The following CNTN5 variants were observed in gnomAD, a reference collection of about 807,000 sequenced individuals.
CNTN5 encodes the protein contactin 5.
In CNTN5, 77 loss-of-function variants were observed where a neutral mutation model predicts 129.1. That is an observed-to-expected ratio of 0.60 (90% CI 0.50 to 0.72). CNTN5 has a LOEUF of 0.72. CNTN5 is among the 30% of genes least tolerant of loss of function. The pLI, the probability that CNTN5 is intolerant of heterozygous loss-of-function variation, is 0.00. For missense variants in CNTN5, 1,478 were observed against 1,328.8 expected, an observed-to-expected ratio of 1.11 and a Z score of -1.75; for synonymous variants, 509 against 465.6, an observed-to-expected ratio of 1.09 and a Z score of -1.20.
chr11:99,750,005 A>G (rs1187379581), intron 3 of CNTN5, among the ~76,000 whole-genome samples: 1 of 152,346 alleles, frequency 6.6e-6, no homozygotes, highest in Non-Finnish European at 1.5e-5. Flanking sequence ...ATTCATGTAT[A>G]AGTTAAAACC....
intron 16 of CNTN5, among the ~76,000 whole-genome samples, chr11:100,230,961 A>G (rs1949474415): frequency 6.6e-6 from 1 of 152,254 alleles, no homozygotes; most frequent in Non-Finnish European, 1.5e-5. Context: ...CCATCCTAAT[A>G]TAAAAATACA....
At chr11:99,117,044 G>A (rs1858076485) in intron 1 of CNTN5, among the ~76,000 whole-genome samples, 1 of 152,016 alleles carries the variant, frequency 6.6e-6, no homozygotes, top group Non-Finnish European at 1.5e-5. Context: ...AAGATAAATA[G>A]TAAAAGAGGT....
At chr11:99,688,255 C>T (rs750294085) in intron 3 of CNTN5, among the ~76,000 whole-genome samples, 3 of 152,018 alleles carry the variant, frequency 2.0e-5, no homozygotes, top group East Asian at 1.9e-4. Context: ...TTGCCCAGGC[C>T]GGTCTTGAAC....
chr11:99,573,509 G>C (rs1229248468), intron 3 of CNTN5, among the ~76,000 whole-genome samples: 2 of 151,926 alleles, frequency 1.3e-5, no homozygotes, highest in Non-Finnish European at 2.9e-5. Context: ...GGCGGAGTTT[G>C]CAGTGAGCCC....
chr11:99,199,526 C>T (rs1390314652), intron 1 of CNTN5, among the ~76,000 whole-genome samples: 2 of 152,198 alleles, frequency 1.3e-5, no homozygotes, highest in Non-Finnish European at 2.9e-5. Context: ...TGGAACAGAG[C>T]TGATACAGGC....
At chr11:99,757,421 C>A (rs1317405518) in intron 3 of CNTN5, among the ~76,000 whole-genome samples, 1 of 151,722 alleles carries the variant, frequency 6.6e-6, no homozygotes, top group Non-Finnish European at 1.5e-5. Flanking sequence ...TTATAAGGAC[C>A]CATACTATAA....
At chr11:99,990,455 TACACACACAC>T (rs57175307) in intron 8 of CNTN5, among the ~76,000 whole-genome samples, 1 of 145,080 alleles carries the variant, frequency 6.9e-6, no homozygotes, top group South Asian at 2.2e-4. Context: ...TATATATATA[TACACACACAC>T]ACACACACAC....
chr11:100,266,630 C>CT (rs5794047), intron 17 of CNTN5, among the ~76,000 whole-genome samples: 44,229 of 140,634 alleles, frequency 0.31, 7,333 homozygotes, highest in African/African-American at 0.41. Context: ...ATTTCCAAAT[C>CT]TTTTTTTTTT....
chr11:99,596,025 C>G lies in CNTN5; in HGVS notation c.55+39756C>G, dbSNP rs542608558. ...AGCAAGATCCCCCTGATTCAAGACA[C>G]GCTTTAAAGTTTGAGGATCACTGAT... On this transcript the variant is annotated intron_variant, in intron 3 of 24. Coordinates refer to ENST00000524871, the MANE Select transcript of CNTN5 (RefSeq NM_014361.4). 9.2e-5 allele frequency among the ~76,000 whole-genome samples: 14 copies of G among 152,166 alleles called. No individual in the cohort carries two copies. The East Asian group carries it at 2.3e-3, about 25-fold the overall frequency.
At chr11:99,435,465 C>T (rs915708013) in intron 2 of CNTN5, among the ~76,000 whole-genome samples, 1 of 152,142 alleles carries the variant, frequency 6.6e-6, no homozygotes, top group South Asian at 2.1e-4. Context: ...GGAGAGCTCA[C>T]ACTGAAACTC....
chr11:99,906,722 C>G (rs1410033446), intron 6 of CNTN5, among the ~76,000 whole-genome samples: 1 of 152,104 alleles, frequency 6.6e-6, no homozygotes, highest in Non-Finnish European at 1.5e-5. Context: ...AGGAATGGTA[C>G]CAGCTCCTCT....
chr11:99,798,943 G>T (rs1224407183), intron 3 of CNTN5, among the ~76,000 whole-genome samples: 1 of 152,036 alleles, frequency 6.6e-6, no homozygotes, highest in Non-Finnish European at 1.5e-5. Context: ...ATTTCTCTTA[G>T]CAGCATTTGG....
chr11:99,185,754 GA>G (rs1858313591), intron 1 of CNTN5, among the ~76,000 whole-genome samples: 1 of 151,572 alleles, frequency 6.6e-6, no homozygotes, highest in Non-Finnish European at 1.5e-5. Flanking sequence ...GTGAAAAAAG[GA>G]GGGGAAATAA....
chr11:100,340,390 A>G, intron 21 of CNTN5, 73 bp from the exon 22 acceptor site: 1 of 1,131,648 alleles, frequency 8.8e-7, no homozygotes, highest in South Asian at 1.6e-5. Context: ...TCCAAAAAAG[A>G]GAAAAAGTTC....
chr11:100,180,442 C>A (rs1312786284), intron 13 of CNTN5, among the ~76,000 whole-genome samples: 4 of 151,858 alleles, frequency 2.6e-5, no homozygotes, highest in Admixed American at 6.6e-5. Flanking sequence ...AACAACAAAC[C>A]TCTCAACCTG....
At chr11:100,140,501 G>A (rs1425901535) in intron 13 of CNTN5, among the ~76,000 whole-genome samples, 1 of 152,130 alleles carries the variant, frequency 6.6e-6, no homozygotes, top group African/African-American at 2.4e-5. Context: ...AGGCTTGTTG[G>A]AGTTAGGGTA....
At chr11:99,991,393 G>A (rs1366242034) in intron 8 of CNTN5, among the ~76,000 whole-genome samples, 3 of 152,136 alleles carry the variant, frequency 2.0e-5, no homozygotes, top group South Asian at 2.1e-4. Flanking sequence ...CCTGAACCCG[G>A]GAGGCAGAGC....
At chr11:99,969,681 T>C (rs184108219) in intron 8 of CNTN5, among the ~76,000 whole-genome samples, 193 of 152,238 alleles carry the variant, frequency 1.3e-3, no homozygotes, top group Non-Finnish European at 2.1e-3. Context: ...AATATTTTCT[T>C]TTCATCTTTC....
intron 1 of CNTN5, among the ~76,000 whole-genome samples, chr11:99,159,144 A>C (rs1024403340): frequency 6.6e-6 from 1 of 152,212 alleles, no homozygotes; most frequent in Non-Finnish European, 1.5e-5. Flanking sequence ...TAATGCTTGT[A>C]AGATTCTCTG....
Sources: allele counts gnomAD v4.1 joint callset (sites outside exome capture counted in the v4.1 genomes callset), GRCh38; gene constraint gnomAD v4.1.1; transcripts MANE v1.5; gene names NCBI Gene and HGNC (gene_info 2026-07-23, HGNC 2026-07-21).